Variants in INPP5F observed in about 807,000 individuals in gnomAD.
INPP5F encodes inositol polyphosphate-5-phosphatase F.
A neutral mutation model predicts 137.2 loss-of-function variants in INPP5F; 97 were observed. That is an observed-to-expected ratio of 0.71 (90% CI 0.60 to 0.84). The LOEUF (loss-of-function observed/expected upper bound fraction) is 0.84, where lower values mean the gene tolerates loss of function less well. Among genes scored for constraint, INPP5F ranks in the 40% least tolerant of loss-of-function variants. The pLI, the probability that INPP5F is intolerant of heterozygous loss-of-function variation, is 0.00. For missense variants in INPP5F, 1,271 were observed against 1,371.9 expected (o/e 0.93, Z 1.16); for synonymous variants, 504 against 476.9 (o/e 1.06, Z -0.74).
chr10:119,792,436 T>G (rs1850179719), intron 6 of INPP5F, among the ~76,000 whole-genome samples: 1 of 152,178 alleles, frequency 6.6e-6, no homozygotes, highest in Non-Finnish European at 1.5e-5. Flanking sequence ...AGGCCTGTCT[T>G]TTTAGCACAT....
At chr10:119,735,101 C>CT (rs551740418) in intron 1 of INPP5F, among the ~76,000 whole-genome samples, 123 of 152,298 alleles carry the variant, frequency 8.1e-4, no homozygotes, top group African/African-American at 2.8e-3. Context: ...ACAAGACATA[C>CT]TGGTAGTACC....
intron 3 of INPP5F, among the ~76,000 whole-genome samples, chr10:119,790,510 T>A (rs1254593079): frequency 1.3e-5 from 2 of 152,170 alleles, no homozygotes; most frequent in Non-Finnish European, 2.9e-5. Context: ...GAAAATTTGG[T>A]CCAGTTATTA....
At chr10:119,784,323 G>A (rs1351912283) in intron 3 of INPP5F, among the ~76,000 whole-genome samples, 2 of 152,164 alleles carry the variant, frequency 1.3e-5, no homozygotes, top group African/African-American at 4.8e-5. Context: ...TAGGCTCTTT[G>A]GAGGACCAGT....
intron 10 of INPP5F, among the ~76,000 whole-genome samples, chr10:119,805,115 T>A (rs1850722203): frequency 6.6e-6 from 1 of 152,222 alleles, no homozygotes; most frequent in Non-Finnish European, 1.5e-5. Flanking sequence ...TAGGTTAATT[T>A]ACCTAAGTAT....
At chr10:119,733,389 C>T (rs1056806403) in intron 1 of INPP5F, among the ~76,000 whole-genome samples, 1 of 152,126 alleles carries the variant, frequency 6.6e-6, no homozygotes, top group East Asian at 1.9e-4. Context: ...TTTGGAAGAT[C>T]TGCAGTTTGG....
intron 9 of INPP5F, among the ~76,000 whole-genome samples, chr10:119,802,546 T>C (rs985993183): frequency 9.9e-5 from 15 of 152,222 alleles, no homozygotes. Flanking sequence ...ATTTAAGGTC[T>C]CATGGCTGCT....
intron 1 of INPP5F, among the ~76,000 whole-genome samples, chr10:119,742,410 C>T (rs1848402843): frequency 6.6e-6 from 1 of 152,036 alleles, no homozygotes; most frequent in East Asian, 1.9e-4. Context: ...CCTGCCTTGG[C>T]CTCCCAAAGT....
chr10:119,825,296 T>C (rs527436798), intron 19 of INPP5F, among the ~76,000 whole-genome samples: 2 of 152,322 alleles, frequency 1.3e-5, no homozygotes, highest in East Asian at 3.9e-4. Flanking sequence ...ATGTGGGTAT[T>C]TCACTTGTCC....
chr10:119,741,777 C>T (rs969469352), intron 1 of INPP5F, among the ~76,000 whole-genome samples: 5 of 152,120 alleles, frequency 3.3e-5, no homozygotes, highest in African/African-American at 1.2e-4. Context: ...TCAGGTGATG[C>T]ACCCACCTCA....
chr10:119,817,555 T>C (rs1277906991), intron 15 of INPP5F, among the ~76,000 whole-genome samples: 1 of 152,244 alleles, frequency 6.6e-6, no homozygotes, highest in Non-Finnish European at 1.5e-5. Context: ...AAGTGGTATC[T>C]CATTGTGGTT....
intron 1 of INPP5F, among the ~76,000 whole-genome samples, chr10:119,735,324 T>A (rs1848188386): frequency 6.6e-6 from 1 of 152,222 alleles, no homozygotes; most frequent in Non-Finnish European, 1.5e-5. Flanking sequence ...TTGCATTTTT[T>A]TAACTTGATA....
intron 1 of INPP5F, among the ~76,000 whole-genome samples, chr10:119,729,542 G>GT (rs1214240626): frequency 6.6e-6 from 1 of 150,618 alleles, no homozygotes; most frequent in Non-Finnish European, 1.5e-5. Context: ...CTGCACTTGT[G>GT]TTATATTTCT....
At chr10:119,809,595 T>G (rs978074309) in intron 13 of INPP5F, among the ~76,000 whole-genome samples, 3 of 152,186 alleles carry the variant, frequency 2.0e-5, no homozygotes, top group African/African-American at 7.2e-5. Context: ...CACTGGGTTG[T>G]TCTACAGGTG....
intron 2 of INPP5F, among the ~76,000 whole-genome samples, chr10:119,777,186 T>C (rs1003278617): frequency 6.6e-6 from 1 of 152,112 alleles, no homozygotes; most frequent in African/African-American, 2.4e-5. Flanking sequence ...TGACCCACCA[T>C]GCCTGGCCCA....
intron 1 of INPP5F, among the ~76,000 whole-genome samples, chr10:119,734,771 C>T (rs1164961568): frequency 1.3e-5 from 2 of 152,152 alleles, no homozygotes; most frequent in East Asian, 3.8e-4. Flanking sequence ...TTTTTGTAAA[C>T]GGTTCTTTTC....
chr10:119,745,765 C>CGTGAT (rs1464219021), intron 1 of INPP5F, among the ~76,000 whole-genome samples: 9 of 130,128 alleles, frequency 6.9e-5, no homozygotes, highest in Admixed American at 9.3e-5. Flanking sequence ...AGTGCAGTGT[C>CGTGAT]GTGATCTCGG....
intron 3 of INPP5F, among the ~76,000 whole-genome samples, chr10:119,782,332 T>G (rs1292206948): frequency 6.6e-6 from 1 of 152,176 alleles, no homozygotes; most frequent in East Asian, 1.9e-4. Flanking sequence ...GGGCTAGTGT[T>G]TTTTACCACA....
chr10:119,815,277 A>C (rs1033197269), intron 15 of INPP5F: 3 of 152,672 alleles, frequency 2.0e-5, no homozygotes, highest in African/African-American at 7.2e-5. Flanking sequence ...GTTGCTAAAC[A>C]GTGTTTTTTC....
intron 2 of INPP5F, among the ~76,000 whole-genome samples, chr10:119,755,017 G>A (rs1848797472): frequency 6.6e-6 from 1 of 152,176 alleles, no homozygotes; most frequent in Non-Finnish European, 1.5e-5. Flanking sequence ...ACATATTAAT[G>A]CACAAATTTT....
Sources: allele counts gnomAD v4.1 joint callset (sites outside exome capture counted in the v4.1 genomes callset), GRCh38; gene constraint gnomAD v4.1.1; transcripts MANE v1.5; gene names NCBI Gene and HGNC (gene_info 2026-07-23, HGNC 2026-07-21).